NPR2: variants seen among roughly 807,000 people sequenced by gnomAD.
The protein encoded by NPR2 is atrial natriuretic peptide receptor 2.
Under a neutral mutation model 120.7 loss-of-function variants are expected in NPR2, and 49 were observed. The ratio of observed to expected loss-of-function variants is 0.41; its 90% CI spans 0.32 to 0.52. The LOEUF (loss-of-function observed/expected upper bound fraction) is 0.52, where lower values mean the gene tolerates loss of function less well. NPR2 is among the 20% of genes least tolerant of loss of function. NPR2 has a pLI of 0.36. For missense variants in NPR2, 931 were observed against 1,362.9 expected, an observed-to-expected ratio of 0.68 and a Z score of 4.99; for synonymous variants, 484 against 519.8, an observed-to-expected ratio of 0.93 and a Z score of 0.94.
In NPR2 at chr9:35,809,561, C is replaced by CA. The variant is rs756198197; in HGVS notation, c.*123dup. On this transcript the variant is annotated 3_prime_UTR_variant, in exon 22 of 22. Coordinates refer to ENST00000342694, the MANE Select transcript of NPR2 (RefSeq NM_003995.4). This position sits in a 1 kb window ranked among gnomAD's most constrained non-coding sequence, Gnocchi z 4.1. ...TTTCATATGCAATGGAAAACAGCCA[C>CA]AAAAAAACCTACCTTATATGGAAGT... 7 of 1,544,018 alleles carry CA rather than the reference C, an allele frequency of 4.5e-6. No individual in the cohort carries two copies. Among genetic ancestry groups the CA allele is most frequent in the Non-Finnish European group, 6.3e-6 (7 of 1,117,620 alleles).
chr9:35,792,776 G>T lies in NPR2; in HGVS notation c.368G>T (p.Gly123Val), dbSNP rs763502307. ...TGGCGCCTTCCCCTGCTGACTGCGG[G>T]TGCTGTGGCCTCTGGTTTTTCGGCT... ...SHWRLPLLTAGAVASGFSAKN... is the reference protein window; with the variant it reads ...SHWRLPLLTAVAVASGFSAKN... Residue 123 changes from glycine to valine, a missense_variant, in exon 1 of 22, where the codon GGT becomes GTT. Physicochemically the swap from Gly to Val is moderately radical, Grantham distance 109. Transcript: ENST00000342694. The T allele has an allele frequency of 6.2e-7, 1 of 1,614,206 alleles. No individual in the cohort carries two copies. The highest frequency in any genetic ancestry group is 1.1e-5 in the South Asian group (1 of 91,088).
At position 35,801,971 on chromosome 9, in the gene NPR2, C is replaced by A; in HGVS notation, c.1603C>A (p.Gln535Lys). The A allele has an allele frequency of 6.2e-7, 1 of 1,614,170 alleles. No homozygotes were observed. The highest frequency in any genetic ancestry group is 8.5e-7 in the Non-Finnish European group (1 of 1,180,010). Reference protein sequence around the residue: ...GSLMTAHGKYQIFANTGHFKG... With the variant: ...GSLMTAHGKYKIFANTGHFKG... ...GCTCATGACAGCCCATGGGAAATACCAGATCTTTGCCAACACCGGTCACTT... is the reference window on the plus strand; with the variant it reads ...GCTCATGACAGCCCATGGGAAATACAAGATCTTTGCCAACACCGGTCACTT... The change falls in exon 9 of 22, where the codon CAG (glutamine) becomes AAG (lysine). Residue 535 changes from glutamine to lysine, a missense_variant. Physicochemically the swap from Gln to Lys is moderately conservative, Grantham distance 53. Coordinates refer to ENST00000342694, the MANE Select transcript of NPR2 (RefSeq NM_003995.4).
rs1481022234 is a variant in NPR2, at chr9:35,802,048, C to G, written c.1632+48C>G. 1.3e-6 allele frequency: 2 copies of G among 1,556,730 alleles called. No individual in the cohort carries two copies. The highest frequency in any genetic ancestry group is 2.7e-5 in the African/African-American group (2 of 73,784). On this transcript the variant is annotated intron_variant, in intron 9 of 21. Transcript: ENST00000342694. The surrounding 1 kb of genome is among the most constrained non-coding windows in gnomAD (Gnocchi z 4.2). ...TGGTCCCCACCATTTCATCCTGTCT[C>G]ATCCCCATCTGCCACCTCTGCCCCT...
chr9:35,802,882 T>TAGAAGG lies in NPR2; in HGVS notation c.1887+81_1887+82insAAGGAG. 1 of 982,706 alleles carries TAGAAGG rather than the reference T, an allele frequency of 1.0e-6. No individual in the cohort carries two copies. Among genetic ancestry groups the TAGAAGG allele is most frequent in the Non-Finnish European group, 1.6e-6 (1 of 606,840 alleles). 60.9% of individuals were successfully genotyped at this position (982,706 alleles called of 1,614,324 possible). On this transcript the variant is annotated intron_variant, in intron 12 of 21. Transcript: ENST00000342694. The surrounding 1 kb of genome is among the most constrained non-coding windows in gnomAD (Gnocchi z 4.2). ...TCTTTGATTGTGGTTTTTCTCCTTC[T>TAGAAGG]AGTCCTCTGAAGTCCTGTTCTCTCA...
In NPR2 at chr9:35,807,020, T is replaced by C. The variant is rs376464483; in HGVS notation, c.2520-3T>C. On this transcript the variant is annotated splice_polypyrimidine_tract_variant and splice_region_variant and intron_variant, in intron 16 of 21. Coordinates refer to ENST00000342694, the MANE Select transcript of NPR2 (RefSeq NM_003995.4). Reference sequence around the variant, plus strand: ...TGGCTCATACGGCACCCTTGCTTCCTAGTTCAGTGGCAGAGCAGTTAAAAC... The same window carrying C: ...TGGCTCATACGGCACCCTTGCTTCCCAGTTCAGTGGCAGAGCAGTTAAAAC... 13 of 1,614,054 alleles carry C rather than the reference T, an allele frequency of 8.1e-6. No homozygotes were observed. The African/African-American group carries it at 1.6e-4, about 20-fold the overall frequency.
chr9:35,799,337 C>T (rs1473277496), intron 2 of NPR2, among the ~76,000 whole-genome samples: 2 of 151,668 alleles, frequency 1.3e-5, no homozygotes, highest in African/African-American at 4.8e-5. Flanking sequence ...CTATTATTTG[C>T]CAGTTTCCAC....
In NPR2 at chr9:35,800,854, A is replaced by G; in HGVS notation, c.1351+13A>G. 1 of 1,614,146 alleles carries G rather than the reference A, an allele frequency of 6.2e-7. No homozygotes were observed. Among genetic ancestry groups the G allele is most frequent in the Non-Finnish European group, 8.5e-7 (1 of 1,180,012 alleles). On this transcript the variant is annotated intron_variant, in intron 6 of 21. Coordinates refer to ENST00000342694, the MANE Select transcript of NPR2 (RefSeq NM_003995.4). The surrounding 1 kb of genome is among the most constrained non-coding windows in gnomAD (Gnocchi z 4.7). ...TCCTGTGATAAAAGTGGGTGTGTGC[A>G]GGGACTGGGAGCAGCTTTCCTCCCT...
chr9:35,794,006 G>C lies in NPR2; in HGVS notation c.776G>C (p.Gly259Ala), dbSNP rs1418801040. ...GTCTTCTTTTACCTGGATGTCTTTG[G>C]GGAGAGTCTCCGTGCAGGCCCCACA... is the stretch of plus-strand genomic sequence containing the variant. ...DYVFFYLDVFGESLRAGPTRA... is the reference protein window; with the variant it reads ...DYVFFYLDVFAESLRAGPTRA... Residue 259 changes from glycine (G) to alanine (A), a missense_variant, in exon 2 of 22, where the codon GGG becomes GCG. Transcript: ENST00000342694. 1 of 1,614,200 alleles carries C rather than the reference G, an allele frequency of 6.2e-7. No homozygotes were observed. The highest frequency in any genetic ancestry group is 1.1e-5 in the South Asian group (1 of 91,084).
At chr9:35,795,413 G>C (rs1827918339) in intron 2 of NPR2, among the ~76,000 whole-genome samples, 1 of 152,084 alleles carries the variant, frequency 6.6e-6, no homozygotes, top group Admixed American at 6.5e-5. Flanking sequence ...TTTTTTCCAA[G>C]AAGGATTGGA....
rs1221215141 is a variant in NPR2, at chr9:35,791,714, C to A, written c.-695C>A. ...GGGAGGAAGCGCCGGGCAGCGCCGG[C>A]CGCCAGGGCCCAGGAGAAGCGGAGC... On this transcript the variant is annotated 5_prime_UTR_variant, in exon 1 of 22. Coordinates refer to ENST00000342694, the MANE Select transcript of NPR2 (RefSeq NM_003995.4). Among the ~76,000 whole-genome samples, 1 of 151,490 alleles carries A rather than the reference C, an allele frequency of 6.6e-6. No individual in the cohort carries two copies. Among genetic ancestry groups the A allele is most frequent in the Admixed American group, 6.6e-5 (1 of 15,238 alleles).
chr9:35,801,298 C>T (rs1427174592), intron 7 of NPR2, 144 bp downstream of exon 7: 2 of 734,972 alleles, frequency 2.7e-6, no homozygotes, highest in African/African-American at 3.5e-5. Context: ...CAGCGTCTTC[C>T]TCTCTAGCCT....
chr9:35,800,705 A>G lies in NPR2; in HGVS notation c.1219-4A>G. The G allele has an allele frequency of 6.2e-7, 1 of 1,614,108 alleles. No individual in the cohort carries two copies. The highest frequency in any genetic ancestry group is 8.5e-7 in the Non-Finnish European group (1 of 1,180,014). ...TGTGGGCCCAGCTTTTTGCTTCCTT[A>G]CAGCCTGCAGCCCACTACTCGGGAG... On this transcript the variant is annotated splice_region_variant and splice_polypyrimidine_tract_variant and intron_variant, in intron 5 of 21. Transcript: ENST00000342694. The surrounding 1 kb of genome is among the most constrained non-coding windows in gnomAD (Gnocchi z 4.7).
rs371668701 is a variant in NPR2, at chr9:35,792,241, C to T, written c.-168C>T. 193 of 680,728 alleles carry T rather than the reference C, an allele frequency of 2.8e-4. 1 individual carries two copies. The East Asian group carries it at 4.2e-3, about 15-fold the overall frequency. The allele number at this position is 680,728 out of a possible 1,614,324, so 42.2% of individuals were successfully genotyped here. A position where few individuals can be genotyped will look rare whatever the true frequency, so the allele number is the denominator to read the frequency against. On this transcript the variant is annotated 5_prime_UTR_variant, in exon 1 of 22. Coordinates refer to ENST00000342694, the MANE Select transcript of NPR2 (RefSeq NM_003995.4). ...CCGCCCCCCGCCTTCCTCCCATCTC[C>T]CCCTCCTCTCCCCGGCCCCCAGCAC... is the stretch of plus-strand genomic sequence containing the variant.
chr9:35,806,291 T>A lies in NPR2; in HGVS notation c.2372+58T>A. 1 of 1,610,826 alleles carries A rather than the reference T, an allele frequency of 6.2e-7. No homozygotes were observed. On this transcript the variant is annotated intron_variant, in intron 15 of 21. Transcript: ENST00000342694. This position sits in a 1 kb window ranked among gnomAD's most constrained non-coding sequence, Gnocchi z 4.6. The stretch of plus-strand genomic sequence containing the variant: ...GGGATAGAAGACTCATTAGTCCTAG[T>A]GCATGAAGTGGGGCAGGTGGGACCA...
At chr9:35,796,492 T>A (rs1404356048) in intron 2 of NPR2, among the ~76,000 whole-genome samples, 1 of 152,200 alleles carries the variant, frequency 6.6e-6, no homozygotes, top group Non-Finnish European at 1.5e-5. Context: ...GCTGGCTGTA[T>A]TCTATTTGTG....
In NPR2 at chr9:35,802,552, T is replaced by C; in HGVS notation, c.1760T>C (p.Ile587Thr). ...NHLTRFIGACIDPPNICIVTE... is the reference protein window; with the variant it reads ...NHLTRFIGACTDPPNICIVTE... ...CTCACTCGCTTCATTGGCGCCTGCA[T>C]AGACCCTCCCAACATTTGCATTGTC... is the stretch of plus-strand genomic sequence containing the variant. Residue 587 changes from isoleucine (I) to threonine (T), a missense_variant, in exon 11 of 22, where the codon ATA becomes ACA. Around this residue, in one of 3 missense-constraint regions of NPR2, gnomAD observed 681 missense variants for 974.3 expected, o/e 0.70. Coordinates refer to ENST00000342694, the MANE Select transcript of NPR2 (RefSeq NM_003995.4). The surrounding 1 kb of genome is among the most constrained non-coding windows in gnomAD (Gnocchi z 4.2). The C allele has an allele frequency of 6.2e-7, 1 of 1,610,674 alleles. No homozygotes were observed. Among genetic ancestry groups the C allele is most frequent in the Non-Finnish European group, 8.5e-7 (1 of 1,176,806 alleles).
In NPR2 at chr9:35,809,638, G is replaced by T; in HGVS notation, c.*193G>T. On this transcript the variant is annotated 3_prime_UTR_variant, in exon 22 of 22. Coordinates refer to ENST00000342694, the MANE Select transcript of NPR2 (RefSeq NM_003995.4). This position sits in a 1 kb window ranked among gnomAD's most constrained non-coding sequence, Gnocchi z 4.1. Reference sequence around the variant, plus strand: ...ACATATACCTGTCCCTCTCTGGCTTGGTCCCCTTCCTCCCTACTTTCTGTA... The same window carrying T: ...ACATATACCTGTCCCTCTCTGGCTTTGTCCCCTTCCTCCCTACTTTCTGTA... The T allele has an allele frequency of 2.7e-6, 3 of 1,115,366 alleles. No homozygotes were observed. Among genetic ancestry groups the T allele is most frequent in the Non-Finnish European group, 4.1e-6 (3 of 735,356 alleles). The allele number at this position is 1,115,366 out of a possible 1,614,324, so 69.1% of individuals were successfully genotyped here. A position where few individuals can be genotyped will look rare whatever the true frequency, so the allele number is the denominator to read the frequency against.
chr9:35,806,992 G>T lies in NPR2; in HGVS notation c.2520-31G>T, dbSNP rs374725463. 62 of 1,613,306 alleles carry T rather than the reference G, an allele frequency of 3.8e-5. No homozygotes were observed. The highest frequency in any genetic ancestry group is 4.8e-5 in the Non-Finnish European group (57 of 1,179,416). On this transcript the variant is annotated intron_variant, in intron 16 of 21. Transcript: ENST00000342694. The surrounding 1 kb of genome is among the most constrained non-coding windows in gnomAD (Gnocchi z 4.6). ...TCTCTTCCACTCCTGCTCTCTTGGA[G>T]TTTGGCTCATACGGCACCCTTGCTT...
rs757704109 is a variant in NPR2, at chr9:35,793,885, T to G, written c.668-13T>G. 1 of 1,614,078 alleles carries G rather than the reference T, an allele frequency of 6.2e-7. No homozygotes were observed. The highest frequency in any genetic ancestry group is 8.5e-7 in the Non-Finnish European group (1 of 1,179,902). Reference sequence around the variant, plus strand: ...CTTCTCAGGGTGCTCCTCTGTCATGTACCTGCTCCCAGTTGTGTATATCTG... The same window carrying G: ...CTTCTCAGGGTGCTCCTCTGTCATGGACCTGCTCCCAGTTGTGTATATCTG... On this transcript the variant is annotated splice_polypyrimidine_tract_variant and intron_variant, in intron 1 of 21. Coordinates refer to ENST00000342694, the MANE Select transcript of NPR2 (RefSeq NM_003995.4).
Sources: allele counts gnomAD v4.1 joint callset (sites outside exome capture counted in the v4.1 genomes callset), GRCh38; gene constraint gnomAD v4.1.1; regional missense constraint gnomAD v4.1.1; non-coding constraint Gnocchi (gnomAD v3.1); transcripts MANE v1.5; gene names NCBI Gene and HGNC (gene_info 2026-07-23, HGNC 2026-07-21).